The following CDKN1A variants were observed in gnomAD, a reference collection of about 807,000 sequenced individuals.
CDKN1A encodes cyclin-dependent kinase inhibitor 1.
Under a neutral mutation model 14.8 loss-of-function variants are expected in CDKN1A, and 14 were observed. The ratio of observed to expected loss-of-function variants is 0.94; its 90% CI spans 0.62 to 1.48. The LOEUF (loss-of-function observed/expected upper bound fraction) is 1.48, where lower values mean the gene tolerates loss of function less well. CDKN1A is among the 40% of genes most tolerant of loss of function. The pLI is 0.00. For synonymous variants in CDKN1A, 92 were observed against 93.5 expected (o/e 0.98, Z 0.09); for missense variants, 203 against 231.7 (o/e 0.88, Z 0.80).
chr6:36,677,410 C>T (rs181008166), upstream of CDKN1A, among the ~76,000 whole-genome samples: 2 of 152,302 alleles, frequency 1.3e-5, no homozygotes, highest in Admixed American at 1.3e-4. Context: ...CTGCTCCAAG[C>T]CTGGGTTCTG....
rs41272170 is a variant in CDKN1A at position 36,685,833 on chromosome 6, G to A, written c.*33G>A. The stretch of plus-strand genomic sequence containing the variant: ...ACAGGAAGCCTGCAGTCCTGGAAGC[G>A]CGAGGGCCTCAAAGGCCCGCTCTAC... On this transcript the variant is annotated 3_prime_UTR_variant, in exon 3 of 3. Coordinates refer to ENST00000244741, the MANE Select transcript of CDKN1A (RefSeq NM_000389.5). 5.3e-3 allele frequency: 8,443 copies of A among 1,601,856 alleles called. 33 individuals are homozygous for A. Among genetic ancestry groups the A allele is most frequent in the African/African-American group, 6.7e-3 (500 of 74,748 alleles).
rs113000891 is a variant in CDKN1A at position 36,685,704 on chromosome 6, G to A, written c.446-47G>A. On this transcript the variant is annotated intron_variant, in intron 2 of 2. Transcript: ENST00000244741. ...TCTTCCTCAGTTGGGCAGCTCCGCC[G>A]CGTCCTCTTCTTCTTGGCCTGGCTG... 1,905 of 1,605,032 alleles carry A rather than the reference G, an allele frequency of 1.2e-3. 21 individuals are homozygous for A. In the African/African-American group the frequency reaches 0.02, roughly 17 times the overall value.
In CDKN1A at chr6:36,684,380, G is replaced by A; in HGVS notation, c.279G>A (p.Arg93=). 1 of 1,613,314 alleles carries A rather than the reference G, an allele frequency of 6.2e-7. No homozygotes were observed. Among genetic ancestry groups the A allele is most frequent in the South Asian group, 1.1e-5 (1 of 91,004 alleles). ...RRGRDELGGG[R]RPGTSPALLQ... ...GCCGGGATGAGTTGGGAGGAGGCAGGCGGCCTGGCACCTCACCTGCTCTGC... is the reference window on the plus strand; with the variant it reads ...GCCGGGATGAGTTGGGAGGAGGCAGACGGCCTGGCACCTCACCTGCTCTGC... The change falls in exon 2 of 3, where the codon AGG becomes AGA. Residue 93 remains arginine (R), a synonymous_variant. Coordinates refer to ENST00000244741, the MANE Select transcript of CDKN1A (RefSeq NM_000389.5). The surrounding 1 kb of genome is among the most constrained non-coding windows in gnomAD (Gnocchi z 6.0).
rs553275334 is a variant in CDKN1A, at chr6:36,679,005, G to A, written c.-6+207G>A. ...ACACGGTGTCTCTAAGTGCGCGGGT[G>A]ACGAGAGTCGGGATGTGCCGGAGAC... On this transcript the variant is annotated intron_variant, in intron 1 of 2. Transcript: ENST00000244741. 9 of 982,512 alleles carry A rather than the reference G, an allele frequency of 9.2e-6. No individual in the cohort carries two copies. The East Asian group carries it at 9.1e-4, about 100-fold the overall frequency. The allele number at this position is 982,512 out of a possible 1,614,324, so 60.9% of individuals were successfully genotyped here.
intron 1 of CDKN1A, among the ~76,000 whole-genome samples, chr6:36,681,782 G>C (rs991940618): frequency 6.6e-6 from 1 of 151,548 alleles, no homozygotes; most frequent in South Asian, 2.1e-4. Context: ...TTTTAGTAGA[G>C]ACGGGGTTTC....
chr6:36,677,986 T>C, upstream of CDKN1A: 1 of 913,386 alleles, frequency 1.1e-6, no homozygotes, highest in Non-Finnish European at 1.6e-6. Flanking sequence ...TCTGTTTCCC[T>C]GGAGATCAGG....
intron 1 of CDKN1A, among the ~76,000 whole-genome samples, chr6:36,681,292 CTTT>C (rs1474286176): frequency 1.1e-4 from 13 of 115,616 alleles, no homozygotes; most frequent in African/African-American, 4.2e-4. Flanking sequence ...TTCTTTCTTT[CTTT>C]CTTTCTTTCT....
At chr6:36,676,579 T>C (rs903456925), upstream of CDKN1A, 6 of 152,184 alleles carry the variant, frequency 3.9e-5, no homozygotes, top group Non-Finnish European at 8.8e-5. Flanking sequence ...AGGTAAACCT[T>C]AGCCTGTTAC....
upstream of CDKN1A, chr6:36,678,057 A>G: frequency 2.4e-6 from 1 of 416,670 alleles, no homozygotes; most frequent in Non-Finnish European, 4.7e-6. The surrounding 1 kb of genome is among the most constrained non-coding windows in gnomAD (Gnocchi z 5.7). Context: ...ACAATCAACA[A>G]CTTTGTATAC....
upstream of CDKN1A, among the ~76,000 whole-genome samples, chr6:36,677,237 G>T (rs1417958332): frequency 4.6e-5 from 7 of 152,168 alleles, no homozygotes; most frequent in Non-Finnish European, 8.8e-5. Context: ...GGCCAAGGGG[G>T]TCTGCTACTG....
intron 2 of CDKN1A, among the ~76,000 whole-genome samples, chr6:36,685,477 A>C (rs1762167598): frequency 6.6e-6 from 1 of 152,252 alleles, no homozygotes; most frequent in Non-Finnish European, 1.5e-5. Flanking sequence ...ACACAGAGCT[A>C]GTAGTGGTTC....
chr6:36,677,566 C>T, upstream of CDKN1A: 2 of 351,598 alleles, frequency 5.7e-6, no homozygotes, highest in South Asian at 2.5e-5. Context: ...AGCGGATAGA[C>T]ACATCACTCA....
At chr6:36,678,106 A>G, upstream of CDKN1A, 1 of 376,078 alleles carries the variant, frequency 2.7e-6, no homozygotes, top group Admixed American at 3.7e-5. The surrounding 1 kb of genome is among the most constrained non-coding windows in gnomAD (Gnocchi z 5.7). Context: ...TCTGTGAAAT[A>G]AACGGGACTG....
intron 1 of CDKN1A, among the ~76,000 whole-genome samples, chr6:36,679,416 C>T (rs1370475646): frequency 1.3e-5 from 2 of 152,170 alleles, no homozygotes; most frequent in African/African-American, 4.8e-5. Flanking sequence ...GGACCCGTCC[C>T]CTAAGGACTA....
intron 1 of CDKN1A, chr6:36,680,707 C>G (rs886852693): frequency 3.3e-5 from 5 of 152,272 alleles, no homozygotes; most frequent in Admixed American, 6.5e-5. Context: ...TGGGCTCATC[C>G]GAGATCAACC....
At chr6:36,678,696 C>T (rs1333372414), upstream of CDKN1A, 2 of 985,270 alleles carry the variant, frequency 2.0e-6, no homozygotes, top group Admixed American at 6.1e-5. This position sits in a 1 kb window ranked among gnomAD's most constrained non-coding sequence, Gnocchi z 5.7. Context: ...ATCAGGGCCG[C>T]GCTGAGCTGC....
At chr6:36,683,064 TG>T (rs1365325389) in intron 1 of CDKN1A, among the ~76,000 whole-genome samples, 3 of 152,118 alleles carry the variant, frequency 2.0e-5, no homozygotes, top group Non-Finnish European at 4.4e-5. Context: ...AGGAGGTAGT[TG>T]GCAGGGGGAA....
At chr6:36,681,322 T>TTCTA (rs1465440760) in intron 1 of CDKN1A, among the ~76,000 whole-genome samples, 8 of 124,830 alleles carry the variant, frequency 6.4e-5, no homozygotes, top group African/African-American at 2.3e-4. Flanking sequence ...CTTTCTTTCT[T>TTCTA]TCTTTCTTTC....
At chr6:36,680,675 C>G (rs975134361) in intron 1 of CDKN1A, 2 of 152,144 alleles carry the variant, frequency 1.3e-5, no homozygotes, top group Admixed American at 6.5e-5. Context: ...GGCTGGCCGG[C>G]GCGAACCGCC....
Sources: gnomAD v4.1 joint callset for allele counts (sites outside exome capture counted in the v4.1 genomes callset) on GRCh38, gnomAD v4.1.1 for gene constraint, Gnocchi (gnomAD v3.1) non-coding constraint, MANE v1.5 for transcripts, NCBI Gene and HGNC (gene_info 2026-07-23, HGNC 2026-07-21) for gene names.